The following KRT35 variants were observed in gnomAD, a reference collection of about 807,000 sequenced individuals.
KRT35 encodes keratin, type I cuticular Ha5.
KRT35 carries 33 observed loss-of-function variants against 42.2 expected under a neutral mutation model. That is an observed-to-expected ratio of 0.78 (90% CI 0.59 to 1.05). The LOEUF is 1.05. KRT35 is among the 50% of genes least tolerant of loss of function. The pLI is 0.00. For synonymous variants in KRT35, 218 were observed against 238.2 expected (o/e 0.92, Z 0.78); for missense variants, 585 against 589.2 (o/e 0.99, Z 0.07).
chr17:41,477,590 A>T lies in KRT35; in HGVS notation c.1148T>A (p.Leu383Gln), dbSNP rs776438412. 3.7e-6 allele frequency: 6 copies of T among 1,614,212 alleles called. No homozygotes were observed. The South Asian group carries it at 6.6e-5, about 18-fold the overall frequency. Residue 383 changes from leucine to glutamine, a missense_variant, in exon 6 of 7, where the codon CTG becomes CAG. Transcript: ENST00000246639. ...CTCCAGCCGGGCCCGGACGTCCAGC[A>T]GCACCTGGTACTCCTGGTTCTGCCG... ...LERQNQEYQVLLDVRARLECE... is the reference protein window; with the variant it reads ...LERQNQEYQVQLDVRARLECE...
In KRT35 at chr17:41,479,394, C is replaced by A; in HGVS notation, c.664G>T (p.Glu222Ter). The stretch of plus-strand genomic sequence containing the variant: ...CAGAGCAGCTCCTCCTTCAGGGACT[C>A]CACCTGGGCCTCCAGGTCAGACTTG... The part of the protein sequence containing the change: ...LCKSDLEAQV[E>*]SLKEELLCLK... The change falls in exon 3 of 7, where the codon GAG (glutamate) becomes TAG (stop). Residue 222 changes from glutamate to a stop codon, truncating the protein, a stop_gained. Transcript: ENST00000246639. LOFTEE classifies it high-confidence loss of function. The A allele has an allele frequency of 1.2e-6, 2 of 1,614,156 alleles. No homozygotes were observed. Among genetic ancestry groups the A allele is most frequent in the Non-Finnish European group, 1.7e-6 (2 of 1,180,018 alleles).
At chr17:41,479,604 C>T in intron 2 of KRT35, 95 bp downstream of exon 2, 1 of 1,561,802 alleles carries the variant, frequency 6.4e-7, no homozygotes. Context: ...TGCTTTTATG[C>T]CCCAATGACA....
rs766146469 is a variant in KRT35 at position 41,477,547 on chromosome 17, G to A, written c.1191C>T (p.Tyr397=). ...RARLECEINT[Y]RGLLESEDSK... ...TGTCCTCACTCTCCAGCAGGCCCCG[G>A]TACGTGTTGATCTCACACTCCAGCC... The change falls in exon 6 of 7, where the codon TAC becomes TAT. Residue 397 remains tyrosine, a synonymous_variant. Coordinates refer to ENST00000246639, the MANE Select transcript of KRT35 (RefSeq NM_002280.6). 9.3e-6 allele frequency: 15 copies of A among 1,613,620 alleles called. No homozygotes were observed. The highest frequency in any genetic ancestry group is 1.3e-5 in the Non-Finnish European group (15 of 1,180,042).
rs762590390 is a variant in KRT35 at position 41,477,198 on chromosome 17, G to A, written c.1226C>T (p.Pro409Leu). Residue 409 changes from proline (P) to leucine (L), a missense_variant, in exon 7 of 7, where the codon CCC (proline) becomes CTC (leucine). Pro to Leu is a moderately conservative substitution (Grantham distance 98). Coordinates refer to ENST00000246639, the MANE Select transcript of KRT35 (RefSeq NM_002280.6). The stretch of plus-strand genomic sequence containing the variant: ...GTAGTCAGGTGCACATGGGTTACAG[G>A]GGAGCCTAGAAAAAAGAAAACAAAT... Reference protein sequence around the residue: ...GLLESEDSKLPCNPCAPDYSP... With the variant: ...GLLESEDSKLLCNPCAPDYSP... The A allele has an allele frequency of 8.7e-6, 14 of 1,613,056 alleles. No individual in the cohort carries two copies. Among genetic ancestry groups the A allele is most frequent in the Middle Eastern group, 1.6e-4 (1 of 6,076 alleles).
intron 6 of KRT35, 81 bp downstream of exon 6, chr17:41,477,437 G>A: frequency 6.4e-7 from 1 of 1,563,246 alleles, no homozygotes; most frequent in Middle Eastern, 2.3e-4. Context: ...CGAATGCCAG[G>A]CTCTTTCTAG....
Position 41,480,971 on chromosome 17 carries a change from A to T in KRT35, c.127T>A (p.Ser43Thr), listed in dbSNP as rs753958348. The change falls in exon 1 of 7, where the codon TCC (serine) becomes ACC (threonine). Residue 43 changes from serine to threonine, a missense_variant. Ser to Thr is a moderately conservative substitution (Grantham distance 58, BLOSUM62 1). Coordinates refer to ENST00000246639, the MANE Select transcript of KRT35 (RefSeq NM_002280.6). ...GCAGAGAAACTTCTGGCCACAGGGG[A>T]GAGACTTGGAAGCTTGCAAGAGCTG... ...SSSSCKLPSL[S>T]PVARSFSACS... is the part of the protein sequence containing the mutation. The T allele has an allele frequency of 3.1e-6, 5 of 1,614,118 alleles. No homozygotes were observed. In the Admixed American group the frequency reaches 5.0e-5, roughly 16 times the overall value.
chr17:41,477,315 GC>G, intron 6 of KRT35, 112 bp from the exon 7 acceptor site: 3 of 1,375,884 alleles, frequency 2.2e-6, no homozygotes, highest in Non-Finnish European at 3.0e-6. Flanking sequence ...CCTTGATCCT[GC>G]CCCCTTGTTT....
chr17:41,478,493 CAT>C lies in KRT35; in HGVS notation c.874-9_874-8del. 2 of 1,612,970 alleles carry C rather than the reference CAT, an allele frequency of 1.2e-6. No individual in the cohort carries two copies. The highest frequency in any genetic ancestry group is 1.7e-6 in the Non-Finnish European group (2 of 1,179,266). On this transcript the variant is annotated splice_polypyrimidine_tract_variant and splice_region_variant and intron_variant, in intron 4 of 6. Transcript: ENST00000246639. ...GCTGGTTCAGCTCCTCACTCTGAAA[CAT>C]ACACACACAGAACCTGGTCAGCCAC...
In KRT35 at chr17:41,477,091, G is replaced by A. The variant is rs1326207840; in HGVS notation, c.1333C>T (p.Pro445Ser). ...CCCCCTGGGCAGGGCACACAAATGG[G>A]GCGGGGGCTGCAGTTTGTGCGGGCT... is the stretch of plus-strand genomic sequence containing the variant. ...SAARTNCSPR[P>S]ICVPCPGGRF The change falls in exon 7 of 7, where the codon CCC (proline) becomes TCC (serine). Residue 445 changes from proline (P) to serine (S), a missense_variant. Physicochemically the swap from Pro to Ser is moderately conservative, Grantham distance 74 (BLOSUM62 -1). Transcript: ENST00000246639. 1.2e-6 allele frequency: 2 copies of A among 1,601,566 alleles called. No homozygotes were observed. The highest frequency in any genetic ancestry group is 1.7e-4 in the Middle Eastern group (1 of 5,806).
At position 41,476,998 on chromosome 17, in the gene KRT35, G is replaced by T; in HGVS notation, c.*58C>A. 6.7e-7 allele frequency: 1 copy of T among 1,484,662 alleles called. No individual in the cohort carries two copies. Among genetic ancestry groups the T allele is most frequent in the Admixed American group, 2.3e-5 (1 of 42,674 alleles). 92.0% of individuals were successfully genotyped at this position (1,484,662 alleles called of 1,614,324 possible). A position where few individuals can be genotyped will look rare whatever the true frequency, so the allele number is the denominator to read the frequency against. Reference sequence around the variant, plus strand: ...ATTGGGCTACAAGGGTTAAGTTTGGGTAGAGGCCAAGTTCAAGCCCTGGAG... The same window carrying T: ...ATTGGGCTACAAGGGTTAAGTTTGGTTAGAGGCCAAGTTCAAGCCCTGGAG... On this transcript the variant is annotated 3_prime_UTR_variant, in exon 7 of 7. Coordinates refer to ENST00000246639, the MANE Select transcript of KRT35 (RefSeq NM_002280.6).
chr17:41,479,828 T>C, intron 1 of KRT35, 47 bp from the exon 2 acceptor site: 3 of 1,505,508 alleles, frequency 2.0e-6, no homozygotes, highest in Non-Finnish European at 2.8e-6. Context: ...GACATTCCAC[T>C]TGTTGGAGCT....
chr17:41,480,554 T>C, intron 1 of KRT35, 73 bp downstream of exon 1: 3 of 1,214,574 alleles, frequency 2.5e-6, no homozygotes, highest in Non-Finnish European at 3.6e-6. Flanking sequence ...ACATGCCCTA[T>C]GGGAACAGAA....
At chr17:41,479,538 T>G in intron 2 of KRT35, 35 bp from the exon 3 acceptor site, 1 of 1,604,724 alleles carries the variant, frequency 6.2e-7, no homozygotes, top group Non-Finnish European at 8.5e-7. Flanking sequence ...GAGTCTGCAT[T>G]TCCTTTTTGC....
rs2019206454 is a variant in KRT35 at position 41,478,287 on chromosome 17, A to G, written c.999+74T>C. On this transcript the variant is annotated intron_variant, in intron 5 of 6. Transcript: ENST00000246639. Reference sequence around the variant, plus strand: ...CCCCTGGAGTCCGCCTGTGTGGTCAAAGCATGGAAGCTGGGGAGCTTGTGT... The same window carrying G: ...CCCCTGGAGTCCGCCTGTGTGGTCAGAGCATGGAAGCTGGGGAGCTTGTGT... 3 of 1,548,596 alleles carry G rather than the reference A, an allele frequency of 1.9e-6. No individual in the cohort carries two copies. In the East Asian group the frequency reaches 6.8e-5, roughly 35 times the overall value.
At position 41,476,862 on chromosome 17, in the gene KRT35, C is replaced by A. The variant is rs572214862; in HGVS notation, c.*194G>T. 6.6e-5 allele frequency: 35 copies of A among 529,806 alleles called. No individual in the cohort carries two copies. In the African/African-American group the frequency reaches 6.7e-4, roughly 10 times the overall value. 32.8% of individuals were successfully genotyped at this position (529,806 alleles called of 1,614,324 possible). A position where few individuals can be genotyped will look rare whatever the true frequency, so the allele number is the denominator to read the frequency against. On this transcript the variant is annotated 3_prime_UTR_variant, in exon 7 of 7. Transcript: ENST00000246639. ...CCATTGAAATGATGAGGAGTTGAGA[C>A]CTTTGGGGGCAGCCGGCCTTTGTGA...
Position 41,480,755 on chromosome 17 carries a change from C to A in KRT35, c.343G>T (p.Val115Leu). 6.2e-7 allele frequency: 1 copy of A among 1,614,206 alleles called. No homozygotes were observed. The highest frequency in any genetic ancestry group is 8.5e-7 in the Non-Finnish European group (1 of 1,180,028). ...GCGTTCTCCTGCTCCAGCTGACGCACCTTCTCCAGGTAGCCGGCCAGGCGG... is the reference window on the plus strand; with the variant it reads ...GCGTTCTCCTGCTCCAGCTGACGCAACTTCTCCAGGTAGCCGGCCAGGCGG... ...NDRLAGYLEKVRQLEQENASL... is the reference protein window; with the variant it reads ...NDRLAGYLEKLRQLEQENASL... Residue 115 changes from valine (V) to leucine (L), a missense_variant, in exon 1 of 7, where the codon GTG becomes TTG. By Grantham distance (32) the Val-to-Leu change is conservative (BLOSUM62 1). Transcript: ENST00000246639.
Position 41,481,048 on chromosome 17 carries a change from C to T in KRT35, c.50G>A (p.Ser17Asn). ...GGAGCCCCCACTGGCCCCTCCTGGG[C>T]TCTTGAGAGACCCAGAAGAGAAGCC... ...KAGFSSGSLKSPGGASGGSTR... is the reference protein window; with the variant it reads ...KAGFSSGSLKNPGGASGGSTR... The change falls in exon 1 of 7, where the codon AGC becomes AAC. Residue 17 changes from serine (S) to asparagine (N), a missense_variant. Transcript: ENST00000246639. 6.2e-7 allele frequency: 1 copy of T among 1,613,846 alleles called. No homozygotes were observed. Among genetic ancestry groups the T allele is most frequent in the Non-Finnish European group, 8.5e-7 (1 of 1,179,956 alleles).
intron 4 of KRT35, 100 bp downstream of exon 4, chr17:41,478,734 G>A: frequency 7.8e-7 from 1 of 1,286,542 alleles, no homozygotes; most frequent in East Asian, 2.3e-5. Context: ...TCAAAACAGA[G>A]ATGGGACTCA....
Position 41,477,105 on chromosome 17 carries a change from T to C in KRT35, c.1319A>G (p.Asn440Ser), listed in dbSNP as rs1188194826. 6.2e-7 allele frequency: 1 copy of C among 1,607,062 alleles called. No individual in the cohort carries two copies. Among genetic ancestry groups the C allele is most frequent in the South Asian group, 1.1e-5 (1 of 89,896 alleles). ...CACACAAATGGGGCGGGGGCTGCAG[T>C]TTGTGCGGGCTGCACTAGGACCGCA... ...ASCGPSAART[N>S]CSPRPICVPC... is the part of the protein sequence containing the mutation. Residue 440 changes from asparagine (N) to serine (S), a missense_variant, in exon 7 of 7, where the codon AAC (asparagine) becomes AGC (serine). Physicochemically the swap from Asn to Ser is conservative, Grantham distance 46 (BLOSUM62 1). Transcript: ENST00000246639.
Sources: allele counts gnomAD v4.1 joint callset, GRCh38; gene constraint gnomAD v4.1.1; transcripts MANE v1.5; gene names NCBI Gene and HGNC (gene_info 2026-07-23, HGNC 2026-07-21).